TTC28: variants seen among roughly 807,000 people sequenced by gnomAD.
TTC28 encodes the protein tetratricopeptide repeat domain 28, also known as tetratricopeptide repeat protein 28.
In TTC28, 61 loss-of-function variants were observed where a neutral mutation model predicts 198.0. The ratio of observed to expected loss-of-function variants is 0.31; its 90% CI spans 0.25 to 0.38. The LOEUF (loss-of-function observed/expected upper bound fraction) is 0.38, where lower values mean the gene tolerates loss of function less well. Among genes scored for constraint, TTC28 ranks in the 10% least tolerant of loss-of-function variants. The probability of loss-of-function intolerance (pLI) is 1.00; values close to 1 mark genes in which losing one functional copy is unlikely to be tolerated. For synonymous variants in TTC28, 1,171 were observed against 1,297.8 expected, an observed-to-expected ratio of 0.90 and a Z score of 2.10; for missense variants, 2,678 against 3,164.0, an observed-to-expected ratio of 0.85 and a Z score of 3.69.
rs533409125 is a variant in TTC28 at position 28,193,645 on chromosome 22, G to C, written c.934-30046C>G. ...AGGCAGGGGTTGCAAACCTAGTCTC[G>C]GATAAAACAGACTTTAAACCAACAA... On this transcript the variant is annotated intron_variant, in intron 5 of 22. Coordinates refer to ENST00000397906, the MANE Select transcript of TTC28 (RefSeq NM_001145418.2). Among the ~76,000 whole-genome samples, 9 of 152,062 alleles carry C rather than the reference G, an allele frequency of 5.9e-5. No homozygotes were observed. In the East Asian group the frequency reaches 1.2e-3, roughly 20 times the overall value.
chr22:28,556,472 C>T (rs957868438), intron 2 of TTC28, among the ~76,000 whole-genome samples: 15 of 152,216 alleles, frequency 9.9e-5, no homozygotes, highest in African/African-American at 2.7e-4. Flanking sequence ...ATAGCTTCCA[C>T]GTTTGCTACT....
Position 28,411,214 on chromosome 22 carries a change from A to G in TTC28, c.382-104571T>C, listed in dbSNP as rs527911635. Among the ~76,000 whole-genome samples the G allele has an allele frequency of 2.0e-5, 3 of 152,286 alleles. No individual in the cohort carries two copies. The East Asian group carries it at 5.8e-4, about 29-fold the overall frequency. On this transcript the variant is annotated intron_variant, in intron 2 of 22. Transcript: ENST00000397906. ...TTAGATTAAAGCAGTGCATCTTTGTAATGTTTTGTCGCCTTCAAAAATTTG... is the reference window on the plus strand; with the variant it reads ...TTAGATTAAAGCAGTGCATCTTTGTGATGTTTTGTCGCCTTCAAAAATTTG...
rs1173825528 is a variant in TTC28, at chr22:28,208,305, C to G, written c.934-44706G>C. On this transcript the variant is annotated intron_variant, in intron 5 of 22. Coordinates refer to ENST00000397906, the MANE Select transcript of TTC28 (RefSeq NM_001145418.2). ...GACCTCATTATCACACTTCACCAGC[C>G]CTGGTAAAACTCTACACTGCATTAG... Among the ~76,000 whole-genome samples, 4 of 152,048 alleles carry G rather than the reference C, an allele frequency of 2.6e-5. No homozygotes were observed. The South Asian group carries it at 6.2e-4, about 24-fold the overall frequency.
intron 2 of TTC28, among the ~76,000 whole-genome samples, chr22:28,324,612 C>T (rs894558549): frequency 1.3e-5 from 2 of 152,104 alleles, no homozygotes; most frequent in Non-Finnish European, 2.9e-5. Context: ...ACGTAATCCA[C>T]TACATAACAG....
chr22:28,151,119 A>T (rs1159074918), intron 6 of TTC28, among the ~76,000 whole-genome samples: 4 of 152,346 alleles, frequency 2.6e-5, no homozygotes, highest in African/African-American at 7.2e-5. Context: ...AAAACCTCCA[A>T]GCACTAATTA....
At chr22:28,335,189 G>A (rs1489667257) in intron 2 of TTC28, among the ~76,000 whole-genome samples, 1 of 152,018 alleles carries the variant, frequency 6.6e-6, no homozygotes, top group Non-Finnish European at 1.5e-5. Context: ...ATTTCTGAGG[G>A]CTCTTTTCTG....
intron 2 of TTC28, among the ~76,000 whole-genome samples, chr22:28,617,886 C>A (rs1293590005): frequency 6.6e-6 from 1 of 152,182 alleles, no homozygotes; most frequent in Non-Finnish European, 1.5e-5. Flanking sequence ...ACCAGCCAAA[C>A]TTCTAGTTTA....
At chr22:28,346,651 C>A (rs1156658977) in intron 2 of TTC28, among the ~76,000 whole-genome samples, 1 of 152,186 alleles carries the variant, frequency 6.6e-6, no homozygotes, top group Non-Finnish European at 1.5e-5. Context: ...ATGAAAACTG[C>A]CTAACAGCTA....
At chr22:28,550,479 T>C (rs1437094724) in intron 2 of TTC28, among the ~76,000 whole-genome samples, 7 of 152,304 alleles carry the variant, frequency 4.6e-5, no homozygotes, top group Non-Finnish European at 8.8e-5. Flanking sequence ...GTAACTGCGA[T>C]ATACTATCCC....
In TTC28 at chr22:27,982,093, C is replaced by G; in HGVS notation, c.*128G>C. 1.0e-6 allele frequency: 1 copy of G among 1,001,772 alleles called. No individual in the cohort carries two copies. Among genetic ancestry groups the G allele is most frequent in the Non-Finnish European group, 1.4e-6 (1 of 714,462 alleles). The allele number at this position is 1,001,772 out of a possible 1,614,324, so 62.1% of individuals were successfully genotyped here. Reference sequence around the variant, plus strand: ...GCAGCCTTTGGACGTGGTGGTGCCCCTCGCCTGCAGAGCACAGCATCATGA... The same window carrying G: ...GCAGCCTTTGGACGTGGTGGTGCCCGTCGCCTGCAGAGCACAGCATCATGA... On this transcript the variant is annotated 3_prime_UTR_variant, in exon 23 of 23. Transcript: ENST00000397906. This position sits in a 1 kb window ranked among gnomAD's most constrained non-coding sequence, Gnocchi z 5.2.
intron 12 of TTC28, among the ~76,000 whole-genome samples, chr22:28,043,261 A>G (rs1221736845): frequency 3.3e-5 from 5 of 150,384 alleles, no homozygotes; most frequent in African/African-American, 7.3e-5. Context: ...AAAAAAAAAA[A>G]AAAAAAAAGA....
chr22:28,614,134 T>G (rs1253992237), intron 2 of TTC28, among the ~76,000 whole-genome samples: 1 of 152,158 alleles, frequency 6.6e-6, no homozygotes, highest in African/African-American at 2.4e-5. Context: ...ATCACAAGCA[T>G]TCCTATACAC....
intron 12 of TTC28, among the ~76,000 whole-genome samples, chr22:28,050,289 CAG>C (rs1940038863): frequency 2.0e-5 from 3 of 152,280 alleles, no homozygotes; most frequent in African/African-American, 7.2e-5. Context: ...TAAAGGCAAT[CAG>C]GGGCTGAGAA....
At chr22:28,176,142 C>G (rs932813363) in intron 5 of TTC28, among the ~76,000 whole-genome samples, 21 of 151,980 alleles carry the variant, frequency 1.4e-4, no homozygotes, top group Non-Finnish European at 3.1e-4. Context: ...TTTACAATGG[C>G]CAAGATAGGG....
chr22:28,329,332 T>A (rs1255728678), intron 2 of TTC28, among the ~76,000 whole-genome samples: 1 of 152,088 alleles, frequency 6.6e-6, no homozygotes, highest in Non-Finnish European at 1.5e-5. Context: ...TGAAATACAC[T>A]GTTTCTCTGT....
chr22:28,075,243 G>C (rs1286376649), intron 12 of TTC28, among the ~76,000 whole-genome samples: 5 of 152,134 alleles, frequency 3.3e-5, no homozygotes, highest in African/African-American at 1.2e-4. Context: ...GCTTATAAAA[G>C]CCTTCTGAAC....
At chr22:28,103,999 T>C (rs1942228401) in intron 8 of TTC28, among the ~76,000 whole-genome samples, 1 of 152,212 alleles carries the variant, frequency 6.6e-6, no homozygotes, top group Non-Finnish European at 1.5e-5. Context: ...CGGAGGTAGA[T>C]AAGGTCTGGG....
At chr22:28,205,384 C>T (rs1926316021) in intron 5 of TTC28, among the ~76,000 whole-genome samples, 1 of 152,130 alleles carries the variant, frequency 6.6e-6, no homozygotes, top group African/African-American at 2.4e-5. Context: ...CATTAATACA[C>T]ATGACCAAAC....
intron 2 of TTC28, among the ~76,000 whole-genome samples, chr22:28,503,614 G>A (rs2048565532): frequency 6.6e-6 from 1 of 152,034 alleles, no homozygotes; most frequent in Non-Finnish European, 1.5e-5. Context: ...ACTTCAAAAT[G>A]TTACATAAAA....
Sources: allele counts gnomAD v4.1 joint callset (sites outside exome capture counted in the v4.1 genomes callset), GRCh38; gene constraint gnomAD v4.1.1; non-coding constraint Gnocchi (gnomAD v3.1); transcripts MANE v1.5; gene names NCBI Gene and HGNC (gene_info 2026-07-23, HGNC 2026-07-21).